The following BCAR3 variants were observed in gnomAD, a reference collection of about 807,000 sequenced individuals.
BCAR3 encodes breast cancer anti-estrogen resistance protein 3.
Under a neutral mutation model 80.1 loss-of-function variants are expected in BCAR3, and 37 were observed. The ratio of observed to expected loss-of-function variants is 0.46; its 90% CI spans 0.36 to 0.61. The LOEUF is 0.61. BCAR3 is among the 20% of genes least tolerant of loss of function. The pLI is 0.00. For synonymous variants in BCAR3, 389 were observed against 418.9 expected, an observed-to-expected ratio of 0.93 and a Z score of 0.87; for missense variants, 978 against 1,068.2, an observed-to-expected ratio of 0.92 and a Z score of 1.18.
intron 2 of BCAR3, among the ~76,000 whole-genome samples, chr1:93,743,395 C>T (rs555900085): frequency 9.9e-5 from 15 of 152,258 alleles, no homozygotes; most frequent in African/African-American, 3.6e-4. Context: ...GCTAGTAATA[C>T]AGGCAGAGCT....
rs1027179165 is a variant in BCAR3, at chr1:93,796,431, G to A, written c.-63+49136C>T. On this transcript the variant is annotated intron_variant, in intron 2 of 13. Coordinates refer to the BCAR3 transcript ENST00000370244. ...GTGACCTGATTTTCCAGGTGCGTCC[G>A]TCACCCCTTTCTTTGACTCGGAAAG... Among the ~76,000 whole-genome samples, 70 of 147,818 alleles carry A rather than the reference G, an allele frequency of 4.7e-4. 4 individuals carry two copies. Among genetic ancestry groups the A allele is most frequent in the African/African-American group, 1.8e-3 (68 of 38,152 alleles).
Position 93,713,116 on chromosome 1 carries a change from G to A in BCAR3, c.-62-6974C>T, listed in dbSNP as rs191204728. Among the ~76,000 whole-genome samples, 25 of 152,332 alleles carry A rather than the reference G, an allele frequency of 1.6e-4. 1 individual carries two copies. Among genetic ancestry groups the A allele is most frequent in the African/African-American group, 5.8e-4 (24 of 41,570 alleles). ...CTTTTGTGCATTTGATATGTGGCTA[G>A]TATGACTGAGAAATTGCATGTTCAA... On this transcript the variant is annotated intron_variant, in intron 2 of 13. Transcript: ENST00000370244.
chr1:93,692,125 G>A (rs1240122998), intron 3 of BCAR3, among the ~76,000 whole-genome samples: 1 of 152,204 alleles, frequency 6.6e-6, no homozygotes, highest in African/African-American at 2.4e-5. Flanking sequence ...AACTGACACT[G>A]CATCATTAGG....
chr1:93,650,462 G>C (rs1459227188), intron 2 of BCAR3, among the ~76,000 whole-genome samples: 1 of 152,206 alleles, frequency 6.6e-6, no homozygotes, highest in Non-Finnish European at 1.5e-5. Flanking sequence ...TATAAAGCCA[G>C]ACTACCTGGT....
chr1:93,810,928 G>A (rs1653820630), intron 2 of BCAR3, among the ~76,000 whole-genome samples: 3 of 152,136 alleles, frequency 2.0e-5, no homozygotes, highest in Admixed American at 6.5e-5. Context: ...ATTTGTCCAA[G>A]GTCAAAACTC....
chr1:93,668,722 T>C (rs1648042202), intron 2 of BCAR3, among the ~76,000 whole-genome samples: 1 of 151,902 alleles, frequency 6.6e-6, no homozygotes, highest in Admixed American at 6.6e-5. Context: ...TTTCTTTTTT[T>C]TTTTCTAAGA....
At chr1:93,728,256 A>G (rs1452696439) in intron 2 of BCAR3, among the ~76,000 whole-genome samples, 2 of 152,194 alleles carry the variant, frequency 1.3e-5, no homozygotes, top group Non-Finnish European at 2.9e-5. Flanking sequence ...GGAGTGGCTC[A>G]CTTCCTTAGT....
chr1:93,604,168 AT>A (rs1466876137), intron 3 of BCAR3, among the ~76,000 whole-genome samples: 1 of 152,104 alleles, frequency 6.6e-6, no homozygotes, highest in African/African-American at 2.4e-5. Context: ...CTGATTTGCA[AT>A]TTGCTGTTAA....
At chr1:93,724,423 T>C (rs1450301779) in intron 2 of BCAR3, among the ~76,000 whole-genome samples, 1 of 152,250 alleles carries the variant, frequency 6.6e-6, no homozygotes, top group Non-Finnish European at 1.5e-5. Flanking sequence ...TTTGTTGGAC[T>C]GTTATAACTC....
intron 2 of BCAR3, among the ~76,000 whole-genome samples, chr1:93,751,598 G>A (rs1034584746): frequency 7.2e-5 from 11 of 152,074 alleles, no homozygotes; most frequent in South Asian, 4.2e-4. Context: ...CAAGCCCATC[G>A]GACCTAGTTT....
At chr1:93,597,340 A>T (rs1320056386) in intron 3 of BCAR3, among the ~76,000 whole-genome samples, 1 of 152,230 alleles carries the variant, frequency 6.6e-6, no homozygotes, top group African/African-American at 2.4e-5. Flanking sequence ...CAGGATAGTT[A>T]GAAAATTAAT....
chr1:93,584,988 G>GA (rs1673884147), intron 5 of BCAR3: 4 of 984,956 alleles, frequency 4.1e-6, no homozygotes, highest in Non-Finnish European at 4.8e-6. Context: ...AAGCACCAAA[G>GA]AAAAAACAAA....
At chr1:93,621,643 G>C (rs1161168570) in intron 3 of BCAR3, among the ~76,000 whole-genome samples, 1 of 152,156 alleles carries the variant, frequency 6.6e-6, no homozygotes, top group African/African-American at 2.4e-5. Flanking sequence ...ATGGCCGCTG[G>C]AGCAGCTTTA....
rs1217381018 is a variant in BCAR3, at chr1:93,719,334, GTTTTTTTTTTTTTT to G, written c.-62-13206_-62-13193del. On this transcript the variant is annotated intron_variant, in intron 2 of 13. Transcript: ENST00000370244. Reference sequence around the variant, plus strand: ...TTAGTCTCTATATTTAAACTTTCTTGTTTTTTTTTTTTTTTTTTTTTTTTTGAGACAGAGTCTCA... The same window carrying G: ...TTAGTCTCTATATTTAAACTTTCTTGTTTTTTTTTTTGAGACAGAGTCTCA... Among the ~76,000 whole-genome samples the G allele has an allele frequency of 2.0e-4, 15 of 73,212 alleles. No homozygotes were observed. The East Asian group carries it at 5.2e-3, about 25-fold the overall frequency. 48.0% of individuals were successfully genotyped at this position (73,212 alleles called of 152,430 possible). A position where few individuals can be genotyped will look rare whatever the true frequency, so the allele number is the denominator to read the frequency against.
intron 2 of BCAR3, among the ~76,000 whole-genome samples, chr1:93,718,083 T>TGTAG (rs1650251093): frequency 6.6e-6 from 1 of 152,198 alleles, no homozygotes; most frequent in Non-Finnish European, 1.5e-5. Flanking sequence ...CTCTGGAAAC[T>TGTAG]TCCTGCGTTC....
chr1:93,713,840 T>C (rs1650106481), intron 2 of BCAR3, among the ~76,000 whole-genome samples: 1 of 152,260 alleles, frequency 6.6e-6, no homozygotes, highest in African/African-American at 2.4e-5. Flanking sequence ...TTGAAAATTA[T>C]GCCCATTTCT....
At chr1:93,819,921 C>T (rs1654157337) in intron 2 of BCAR3, among the ~76,000 whole-genome samples, 1 of 152,162 alleles carries the variant, frequency 6.6e-6, no homozygotes, top group South Asian at 2.1e-4. Flanking sequence ...CTCCTCCTAT[C>T]CTCCACCCTC....
upstream of BCAR3, chr1:93,847,712 T>A (rs1655277318): frequency 7.6e-6 from 1 of 131,020 alleles, no homozygotes; most frequent in Non-Finnish European, 1.5e-5. Context: ...TCATGTCTCT[T>A]ATTTTTTTTT....
chr1:93,594,827 C>G (rs1305442432), intron 3 of BCAR3: 2 of 152,166 alleles, frequency 1.3e-5, no homozygotes, highest in Non-Finnish European at 2.9e-5. Flanking sequence ...AAGCTATTTC[C>G]ACAGTTATCT....
Sources: allele counts gnomAD v4.1 joint callset (sites outside exome capture counted in the v4.1 genomes callset), GRCh38; gene constraint gnomAD v4.1.1; transcripts MANE v1.5; gene names NCBI Gene and HGNC (gene_info 2026-07-23, HGNC 2026-07-21).